The following C11orf97 variants were observed in gnomAD, a reference collection of about 807,000 sequenced individuals.
C11orf97 encodes chromosome 11 open reading frame 97, also known as uncharacterized protein C11orf97.
Under a neutral mutation model 16.2 loss-of-function variants are expected in C11orf97, and 15 were observed. That is an observed-to-expected ratio of 0.93 (90% CI 0.62 to 1.43). The LOEUF (loss-of-function observed/expected upper bound fraction) is 1.43, where lower values mean the gene tolerates loss of function less well. Among genes scored for constraint, C11orf97 ranks in the 40% most tolerant of loss-of-function variants. The pLI is 0.00. For synonymous variants in C11orf97, 61 were observed against 65.7 expected (o/e 0.93, Z 0.34); for missense variants, 171 against 161.2 (o/e 1.06, Z -0.33).
chr11:94,517,517 G>C, intron 1 of C11orf97, 66 bp from the exon 2 acceptor site: 2 of 889,628 alleles, frequency 2.2e-6, no homozygotes, highest in Non-Finnish European at 3.3e-6. Flanking sequence ...TTATCATGTA[G>C]ATATAATGGC....
In C11orf97 at chr11:94,524,136, G is replaced by A. The variant is rs34023718; in HGVS notation, c.251-3948G>A. 9.4e-3 allele frequency among the ~76,000 whole-genome samples: 1,436 copies of A among 152,134 alleles called. 8 individuals are homozygous for A. Among genetic ancestry groups the A allele is most frequent in the Middle Eastern group, 0.045 (13 of 292 alleles). ...ATAGTAATAATGGTTATCATTTGCAGAGTTTCTTCTGCACGTGATAAATTT... is the reference window on the plus strand; with the variant it reads ...ATAGTAATAATGGTTATCATTTGCAAAGTTTCTTCTGCACGTGATAAATTT... On this transcript the variant is annotated intron_variant, in intron 2 of 3. Coordinates refer to ENST00000542198, the MANE Select transcript of C11orf97 (RefSeq NM_001190462.2).
chr11:94,519,770 T>G (rs1565252820), intron 2 of C11orf97, among the ~76,000 whole-genome samples: 1 of 152,236 alleles, frequency 6.6e-6, no homozygotes, highest in Non-Finnish European at 1.5e-5. Context: ...GATCTACTTA[T>G]GGGAAATCCC....
intron 1 of C11orf97, among the ~76,000 whole-genome samples, chr11:94,514,048 G>A (rs544888760): frequency 6.6e-6 from 1 of 152,244 alleles, no homozygotes; most frequent in Non-Finnish European, 1.5e-5. Flanking sequence ...GGCCTCGAGT[G>A]ATCCGCTCGC....
At chr11:94,513,722 GTTA>G (rs1453368848) in intron 1 of C11orf97, among the ~76,000 whole-genome samples, 1 of 152,188 alleles carries the variant, frequency 6.6e-6, no homozygotes, top group Non-Finnish European at 1.5e-5. Flanking sequence ...CATTCCTTTT[GTTA>G]TTATTATCAG....
intron 3 of C11orf97, among the ~76,000 whole-genome samples, chr11:94,531,060 C>G (rs769603829): frequency 6.6e-6 from 1 of 152,194 alleles, no homozygotes; most frequent in Non-Finnish European, 1.5e-5. Context: ...TAATACACAT[C>G]ATTTAAAGTT....
chr11:94,525,995 A>G (rs1312270383), intron 2 of C11orf97, among the ~76,000 whole-genome samples: 2 of 152,240 alleles, frequency 1.3e-5, no homozygotes, highest in Admixed American at 6.5e-5. Flanking sequence ...AGGAATCTCT[A>G]GAAGATTCTG....
chr11:94,519,922 G>A (rs525921), intron 2 of C11orf97, among the ~76,000 whole-genome samples: 85,655 of 152,064 alleles, frequency 0.56, 24,344 homozygotes, highest in African/African-American at 0.58. Flanking sequence ...CTTCTAATTC[G>A]GTTTGCAGTG....
intron 3 of C11orf97, among the ~76,000 whole-genome samples, chr11:94,529,709 A>G (rs1001423285): frequency 6.6e-6 from 1 of 152,220 alleles, no homozygotes; most frequent in Non-Finnish European, 1.5e-5. Context: ...CTGGGCCATC[A>G]TGGCAGAGAA....
intron 2 of C11orf97, among the ~76,000 whole-genome samples, chr11:94,524,170 T>C (rs571621611): frequency 6.6e-6 from 1 of 152,284 alleles, no homozygotes; most frequent in East Asian, 1.9e-4. Context: ...TTTTTGCAAA[T>C]AATCTCTTTT....
chr11:94,515,314 CAA>C (rs555535218), intron 1 of C11orf97, among the ~76,000 whole-genome samples: 5 of 150,382 alleles, frequency 3.3e-5, no homozygotes, highest in African/African-American at 1.2e-4. Context: ...CAAAAAACAA[CAA>C]AAAAAAATCC....
At chr11:94,517,774 C>T in intron 2 of C11orf97, 87 bp downstream of exon 2, 3 of 888,916 alleles carry the variant, frequency 3.4e-6, no homozygotes, top group Middle Eastern at 2.4e-4. Flanking sequence ...TAAAACCATA[C>T]TATTGAAATA....
chr11:94,525,861 GTC>G (rs925832652), intron 2 of C11orf97, among the ~76,000 whole-genome samples: 1 of 152,124 alleles, frequency 6.6e-6, no homozygotes, highest in African/African-American at 2.4e-5. Flanking sequence ...ACCAGGCCAG[GTC>G]CTACTGGCTA....
At chr11:94,529,437 G>C (rs1438886859) in intron 3 of C11orf97, among the ~76,000 whole-genome samples, 1 of 152,218 alleles carries the variant, frequency 6.6e-6, no homozygotes, top group African/African-American at 2.4e-5. Context: ...GAAGACTTCA[G>C]TTTAATGATA....
At chr11:94,524,694 A>C (rs1478413164) in intron 2 of C11orf97, among the ~76,000 whole-genome samples, 1 of 151,986 alleles carries the variant, frequency 6.6e-6, no homozygotes, top group Non-Finnish European at 1.5e-5. Flanking sequence ...GAATTTAGCT[A>C]ATGTCCATCA....
intron 1 of C11orf97, among the ~76,000 whole-genome samples, chr11:94,514,822 T>C (rs898060229): frequency 3.3e-5 from 5 of 151,946 alleles, no homozygotes; most frequent in Admixed American, 2.6e-4. Context: ...TTTTTGTATT[T>C]TTAGTAGAGA....
intron 2 of C11orf97, among the ~76,000 whole-genome samples, chr11:94,519,098 TG>T (rs1336381502): frequency 1.3e-5 from 2 of 151,988 alleles, no homozygotes; most frequent in African/African-American, 4.8e-5. Flanking sequence ...TTAGTAGAGA[TG>T]GGGTTTCACC....
intron 2 of C11orf97, among the ~76,000 whole-genome samples, chr11:94,520,000 G>A (rs525057): frequency 0.56 from 85,651 of 152,070 alleles, 24,343 homozygotes; most frequent in African/African-American, 0.58. Context: ...TGTCACATAC[G>A]TGCAGAATTC....
At chr11:94,521,942 T>C (rs1393367076) in intron 2 of C11orf97, among the ~76,000 whole-genome samples, 2 of 152,216 alleles carry the variant, frequency 1.3e-5, no homozygotes, top group Admixed American at 6.5e-5. Context: ...GGCTCTCTCC[T>C]TCAACCTTGT....
intron 2 of C11orf97, among the ~76,000 whole-genome samples, chr11:94,522,625 C>T (rs1192101291): frequency 6.6e-6 from 1 of 152,182 alleles, no homozygotes; most frequent in Non-Finnish European, 1.5e-5. Flanking sequence ...ATGGCATAGC[C>T]TATGGTCCAA....
Sources: allele counts gnomAD v4.1 joint callset (sites outside exome capture counted in the v4.1 genomes callset), GRCh38; gene constraint gnomAD v4.1.1; transcripts MANE v1.5; gene names NCBI Gene and HGNC (gene_info 2026-07-23, HGNC 2026-07-21).